The following DNER variants were observed in gnomAD, a reference collection of about 807,000 sequenced individuals.
DNER encodes the protein delta/notch like EGF repeat containing, also known as delta and Notch-like epidermal growth factor-related receptor.
In DNER, 33 loss-of-function variants were observed where a neutral mutation model predicts 78.2. That is an observed-to-expected ratio of 0.42 (90% CI 0.32 to 0.56). The LOEUF (loss-of-function observed/expected upper bound fraction) is 0.56, where lower values mean the gene tolerates loss of function less well. DNER is among the 20% of genes least tolerant of loss of function. DNER has a pLI of 0.11. For missense variants in DNER, 918 were observed against 975.3 expected, an observed-to-expected ratio of 0.94 and a Z score of 0.78; for synonymous variants, 417 against 384.8, an observed-to-expected ratio of 1.08 and a Z score of -0.98.
intron 1 of DNER, among the ~76,000 whole-genome samples, chr2:229,668,532 GTGTGTATATATATA>G (rs1461808571): frequency 4.4e-3 from 15 of 3,426 alleles, no homozygotes; most frequent in Non-Finnish European, 7.0e-3. Flanking sequence ...GTGTGTGTGT[GTGTGTATATATATA>G]TATATATATA....
At chr2:229,684,128 G>GTGTGTA (rs1699436706) in intron 1 of DNER, among the ~76,000 whole-genome samples, 1 of 145,440 alleles carries the variant, frequency 6.9e-6, no homozygotes, top group Non-Finnish European at 1.5e-5. Context: ...GTGTGTTTGT[G>GTGTGTA]TGTGTGTCTG....
chr2:229,514,175 A>C (rs1480531269), intron 5 of DNER, among the ~76,000 whole-genome samples: 1 of 152,156 alleles, frequency 6.6e-6, no homozygotes, highest in Non-Finnish European at 1.5e-5. Flanking sequence ...TATTCTTGTT[A>C]ATACCAATGA....
At chr2:229,651,522 G>C (rs895540927) in intron 1 of DNER, among the ~76,000 whole-genome samples, 1 of 152,178 alleles carries the variant, frequency 6.6e-6, no homozygotes, top group Admixed American at 6.6e-5. Flanking sequence ...CAGAATTGCA[G>C]GACAGATGCT....
chr2:229,567,311 T>G (rs1000820154), intron 4 of DNER, among the ~76,000 whole-genome samples: 4 of 152,246 alleles, frequency 2.6e-5, no homozygotes, highest in Non-Finnish European at 5.9e-5. Context: ...CAGAGACTTT[T>G]GTCTGATTTG....
chr2:229,714,015 G>A, intron 1 of DNER, 133 bp downstream of exon 1: 1 of 940,986 alleles, frequency 1.1e-6, no homozygotes, highest in Non-Finnish European at 1.4e-6. Context: ...CAAGAGACTG[G>A]ATCCATCTTC....
rs1308664548 is a variant in DNER, at chr2:229,416,453, TG to T, written c.1609+1654del. Among the ~76,000 whole-genome samples the T allele has an allele frequency of 2.0e-5, 3 of 152,104 alleles. No individual in the cohort carries two copies. In the East Asian group the frequency reaches 5.8e-4, roughly 29 times the overall value. On this transcript the variant is annotated intron_variant, in intron 9 of 12. Transcript: ENST00000341772. ...CCTTCAGGGATGGATGGGCAGCCAA[TG>T]GGGCCCTGTGTACTAAGGCATGAGG...
At chr2:229,611,436 C>T (rs1024679146) in intron 1 of DNER, among the ~76,000 whole-genome samples, 3 of 152,170 alleles carry the variant, frequency 2.0e-5, no homozygotes, top group African/African-American at 7.2e-5. Flanking sequence ...TAAAATGGGT[C>T]ACTTTATAAA....
chr2:229,413,725 T>C (rs184255258), intron 9 of DNER, among the ~76,000 whole-genome samples: 1 of 151,128 alleles, frequency 6.6e-6, no homozygotes, highest in African/African-American at 2.4e-5. Flanking sequence ...GGGTGTTATA[T>C]ATATAGTGTT....
chr2:229,370,095 C>T lies in DNER; in HGVS notation c.1856-2976G>A, dbSNP rs1692446991. Reference sequence around the variant, plus strand: ...TGTGGCCTCTGGATACTCACACCTTCATCTTAGCTGTATCTTCAGTCATCA... The same window carrying T: ...TGTGGCCTCTGGATACTCACACCTTTATCTTAGCTGTATCTTCAGTCATCA... On this transcript the variant is annotated intron_variant, in intron 11 of 12. Transcript: ENST00000341772. 2.0e-5 allele frequency among the ~76,000 whole-genome samples: 3 copies of T among 152,224 alleles called. No homozygotes were observed. In the South Asian group the frequency reaches 6.2e-4, roughly 32 times the overall value.
intron 9 of DNER, among the ~76,000 whole-genome samples, chr2:229,412,602 G>A (rs1011946588): frequency 6.6e-6 from 1 of 152,178 alleles, no homozygotes; most frequent in Non-Finnish European, 1.5e-5. Context: ...ATCTCTTTGG[G>A]GGTCAACATT....
At chr2:229,468,152 G>A (rs144985069) in intron 7 of DNER, among the ~76,000 whole-genome samples, 2,274 of 152,342 alleles carry the variant, frequency 0.015, 69 homozygotes, top group African/African-American at 0.052. Context: ...CCTTTAAGCT[G>A]TCCTTCTTCA....
intron 11 of DNER, among the ~76,000 whole-genome samples, chr2:229,367,943 AC>A (rs1692388123): frequency 6.6e-6 from 1 of 152,226 alleles, no homozygotes; most frequent in Non-Finnish European, 1.5e-5. Context: ...CAATGTTATC[AC>A]CTATTCCATA....
chr2:229,503,321 G>A (rs1453668667), intron 6 of DNER, among the ~76,000 whole-genome samples: 2 of 152,188 alleles, frequency 1.3e-5, no homozygotes, highest in Non-Finnish European at 2.9e-5. Flanking sequence ...ACTGAGGAGA[G>A]GCCCTTGCTG....
Position 229,551,154 on chromosome 2 carries a change from T to C in DNER, c.848-4062A>G, listed in dbSNP as rs575472890. Among the ~76,000 whole-genome samples the C allele has an allele frequency of 5.4e-4, 83 of 152,358 alleles. 1 individual carries two copies. The highest frequency in any genetic ancestry group is 2.0e-3 in the African/African-American group (82 of 41,588). On this transcript the variant is annotated intron_variant, in intron 4 of 12. Coordinates refer to ENST00000341772, the MANE Select transcript of DNER (RefSeq NM_139072.4). ...CATTGTTTCATTTTTCATACTTCTT[T>C]TAAAAGTTTTCATAAATGTAAGACT... is the stretch of plus-strand genomic sequence containing the variant.
At chr2:229,508,435 T>C (rs1695787504) in intron 6 of DNER, among the ~76,000 whole-genome samples, 1 of 152,204 alleles carries the variant, frequency 6.6e-6, no homozygotes, top group African/African-American at 2.4e-5. Flanking sequence ...ACTATGGATG[T>C]CTTAGTAATA....
intron 1 of DNER, among the ~76,000 whole-genome samples, chr2:229,644,694 C>T (rs1030461905): frequency 2.0e-5 from 3 of 152,130 alleles, no homozygotes; most frequent in Admixed American, 1.3e-4. Context: ...CTGAGAGTTA[C>T]AGCTGCAGGT....
intron 4 of DNER, among the ~76,000 whole-genome samples, chr2:229,582,759 C>T (rs1046178034): frequency 1.3e-5 from 2 of 152,088 alleles, no homozygotes; most frequent in African/African-American, 4.8e-5. Context: ...CCTGCCTCAG[C>T]CTCCCTAGTA....
At chr2:229,647,223 C>T (rs1024074248) in intron 1 of DNER, among the ~76,000 whole-genome samples, 29 of 152,176 alleles carry the variant, frequency 1.9e-4, no homozygotes, top group African/African-American at 6.5e-4. Flanking sequence ...CAGAGGGTTC[C>T]GGGATGGCCT....
intron 1 of DNER, among the ~76,000 whole-genome samples, chr2:229,656,033 A>G (rs1008373270): frequency 6.6e-6 from 1 of 152,130 alleles, no homozygotes; most frequent in Non-Finnish European, 1.5e-5. Flanking sequence ...CCCCACCCAC[A>G]CCTTGATGCC....
Sources: gnomAD v4.1 joint callset for allele counts (sites outside exome capture counted in the v4.1 genomes callset) on GRCh38, gnomAD v4.1.1 for gene constraint, MANE v1.5 for transcripts, NCBI Gene and HGNC (gene_info 2026-07-23, HGNC 2026-07-21) for gene names.